CNIH3: variants seen among roughly 807,000 people sequenced by gnomAD.
CNIH3 encodes the protein cornichon family AMPA receptor auxiliary protein 3, also known as protein cornichon homolog 3.
Under a neutral mutation model 24.1 loss-of-function variants are expected in CNIH3, and 14 were observed. The ratio of observed to expected loss-of-function variants is 0.58; its 90% confidence interval spans 0.38 to 0.91. The LOEUF (loss-of-function observed/expected upper bound fraction) is 0.91. Ranked by LOEUF, CNIH3 falls within the 40% of genes least tolerant of loss-of-function variation. The pLI is 0.00. For missense variants in CNIH3, 178 were observed against 196.8 expected, an observed-to-expected ratio of 0.90 and a Z score of 0.57; for synonymous variants, 68 against 73.8, an observed-to-expected ratio of 0.92 and a Z score of 0.40.
Position 224,616,506 on chromosome 1 carries a change from G to C in CNIH3, c.-669G>C. 4 of 988,056 alleles carry C rather than the reference G, an allele frequency of 4.0e-6. No homozygotes were observed. The highest frequency in any genetic ancestry group is 4.8e-6 in the Non-Finnish European group (4 of 831,264). 61.2% of individuals were successfully genotyped at this position (988,056 alleles called of 1,614,324 possible). A position where few individuals can be genotyped will look rare whatever the true frequency, so the allele number is the denominator to read the frequency against. ...GGGTTGCGGAGGCCGGCTGGCCGGA[G>C]TCACGGTTGGGGACGGGCGCGCCTC... On this transcript the variant is annotated 5_prime_UTR_variant, in exon 1 of 6. Transcript: ENST00000272133.
chr1:224,442,028 T>C (rs968090168), intron 1 of CNIH3, among the ~76,000 whole-genome samples: 1 of 148,844 alleles, frequency 6.7e-6, no homozygotes, highest in African/African-American at 2.5e-5. Flanking sequence ...TTTTTTTTTT[T>C]TTTTTTTTGA....
rs183525456 is a variant in CNIH3 at position 224,692,138 on chromosome 1, G to A, written c.198+7295G>A. Among the ~76,000 whole-genome samples, 839 of 152,206 alleles carry A rather than the reference G, an allele frequency of 5.5e-3. 11 individuals are homozygous for A. The highest frequency in any genetic ancestry group is 7.2e-3 in the Non-Finnish European group (491 of 68,000). On this transcript the variant is annotated intron_variant, in intron 3 of 5. Coordinates refer to ENST00000272133, the MANE Select transcript of CNIH3 (RefSeq NM_152495.2). Reference sequence around the variant, plus strand: ...AGTGAGACCCCCATATCTACAAAAAGTTAGTAAAATAAAATTAGCCAGGCA... The same window carrying A: ...AGTGAGACCCCCATATCTACAAAAAATTAGTAAAATAAAATTAGCCAGGCA...
intron 1 of CNIH3, among the ~76,000 whole-genome samples, chr1:224,493,908 C>T (rs1195759316): frequency 2.0e-5 from 3 of 152,182 alleles, no homozygotes; most frequent in East Asian, 3.9e-4. Context: ...TTGTGCTTAT[C>T]ACTGCCACAG....
chr1:224,606,948 C>G (rs1202234549), intron 3 of CNIH3, among the ~76,000 whole-genome samples: 2 of 152,144 alleles, frequency 1.3e-5, no homozygotes, highest in Admixed American at 1.3e-4. Context: ...TCCTGCCAGT[C>G]AAGCAGGAAG....
chr1:224,528,254 G>A (rs1678922284), intron 2 of CNIH3, among the ~76,000 whole-genome samples: 2 of 152,054 alleles, frequency 1.3e-5, no homozygotes, highest in Non-Finnish European at 2.9e-5. Flanking sequence ...ACAGTGCAAG[G>A]CTCTGTCTCT....
At chr1:224,735,221 G>A (rs1319419086) in intron 5 of CNIH3, among the ~76,000 whole-genome samples, 1 of 152,152 alleles carries the variant, frequency 6.6e-6, no homozygotes, top group East Asian at 1.9e-4. Flanking sequence ...TTCATTTACA[G>A]TTTTCCCAAT....
chr1:224,492,752 G>A lies in CNIH3; in HGVS notation n.204-22989G>A, dbSNP rs148539246. Among the ~76,000 whole-genome samples, 480 of 152,318 alleles carry A rather than the reference G, an allele frequency of 3.2e-3. 4 individuals carry two copies. Among genetic ancestry groups the A allele is most frequent in the Non-Finnish European group, 4.0e-3 (274 of 68,028 alleles). ...GGAAGGCCTGAGTCCCCAGTATAGAGTCACAGGTGTCTGTGGTAATAACAT... is the reference window on the plus strand; with the variant it reads ...GGAAGGCCTGAGTCCCCAGTATAGAATCACAGGTGTCTGTGGTAATAACAT... On this transcript the variant is annotated intron_variant and non_coding_transcript_variant, in intron 1 of 5. Transcript: ENST00000471578.
chr1:224,572,696 A>G (rs970536682), intron 4 of CNIH3, among the ~76,000 whole-genome samples: 7 of 151,914 alleles, frequency 4.6e-5, no homozygotes, highest in Non-Finnish European at 5.9e-5. Context: ...GATTGTATTC[A>G]AGCTGTAGAT....
chr1:224,639,316 C>CT (rs1234618327), intron 1 of CNIH3, among the ~76,000 whole-genome samples: 11 of 152,240 alleles, frequency 7.2e-5, no homozygotes. Flanking sequence ...CCCCCTCGTA[C>CT]TTCAGGCCTT....
At chr1:224,522,468 G>A (rs1678675612) in intron 2 of CNIH3, among the ~76,000 whole-genome samples, 1 of 152,196 alleles carries the variant, frequency 6.6e-6, no homozygotes, top group Non-Finnish European at 1.5e-5. Context: ...ACTGCAGAGT[G>A]AAAGCCCAAG....
In CNIH3 at chr1:224,722,137, G is replaced by A. The variant is rs142644460; in HGVS notation, c.199-8325G>A. Among the ~76,000 whole-genome samples, 64 of 152,240 alleles carry A rather than the reference G, an allele frequency of 4.2e-4. 1 individual carries two copies. Among genetic ancestry groups the A allele is most frequent in the Admixed American group, 9.8e-4 (15 of 15,294 alleles). ...AGCCTCTGGGAGGGTTGGGTGGGAG[G>A]AGGCCTCACACCAGGGGTTTTAAAA... On this transcript the variant is annotated intron_variant, in intron 3 of 5. Coordinates refer to ENST00000272133, the MANE Select transcript of CNIH3 (RefSeq NM_152495.2).
downstream of CNIH3, among the ~76,000 whole-genome samples, chr1:224,593,593 A>C (rs181643773): frequency 2.1e-3 from 318 of 152,350 alleles, 1 homozygote; most frequent in African/African-American, 7.1e-3. Flanking sequence ...TATTTGAGAT[A>C]ATGTTTATAC....
chr1:224,457,887 A>G (rs1675746280), intron 1 of CNIH3, among the ~76,000 whole-genome samples: 1 of 152,246 alleles, frequency 6.6e-6, no homozygotes, highest in Admixed American at 6.5e-5. Flanking sequence ...AGAATACACT[A>G]GGATAGAAAA....
intron 1 of CNIH3, among the ~76,000 whole-genome samples, chr1:224,507,525 C>T (rs1384540777): frequency 3.9e-5 from 6 of 152,108 alleles, no homozygotes; most frequent in African/African-American, 1.4e-4. Context: ...TATGTGTATG[C>T]GATCTTTCTC....
intron 3 of CNIH3, chr1:224,730,246 A>G (rs2125240887): frequency 3.9e-6 from 2 of 517,754 alleles, no homozygotes; most frequent in East Asian, 6.2e-5. Context: ...GGCTTGTGTC[A>G]TTTGGGTTTG....
intron 1 of CNIH3, among the ~76,000 whole-genome samples, chr1:224,484,000 G>A (rs1156451754): frequency 3.3e-5 from 5 of 151,862 alleles, no homozygotes; most frequent in Admixed American, 6.6e-5. Context: ...GTGAAACCCC[G>A]TCTCTACTAA....
chr1:224,614,858 A>G (rs1455551403), upstream of CNIH3, among the ~76,000 whole-genome samples: 1 of 151,238 alleles, frequency 6.6e-6, no homozygotes, highest in Admixed American at 6.6e-5. Flanking sequence ...AAGGCAGGAG[A>G]ATCGCTTGAA....
intron 4 of CNIH3, among the ~76,000 whole-genome samples, chr1:224,575,845 A>G (rs1348957934): frequency 6.6e-6 from 1 of 152,120 alleles, no homozygotes; most frequent in Non-Finnish European, 1.5e-5. Flanking sequence ...TCATGTCTCT[A>G]TCACTTACCA....
intron 1 of CNIH3, among the ~76,000 whole-genome samples, chr1:224,441,104 C>G (rs1437193287): frequency 2.0e-5 from 3 of 152,192 alleles, no homozygotes; most frequent in African/African-American, 7.2e-5. Flanking sequence ...GCGTGAGCCA[C>G]CGTGCCCGGC....
Sources: allele counts gnomAD v4.1 joint callset (sites outside exome capture counted in the v4.1 genomes callset), GRCh38; gene constraint gnomAD v4.1.1; transcripts MANE v1.5; gene names NCBI Gene and HGNC (gene_info 2026-07-23, HGNC 2026-07-21).